The following CLRN3 variants were observed in gnomAD, a reference collection of about 807,000 sequenced individuals.
The protein encoded by CLRN3 is clarin 3, also known as clarin-3.
Under a neutral mutation model 16.7 loss-of-function variants are expected in CLRN3, and 12 were observed. That is an observed-to-expected ratio of 0.72 (90% CI 0.46 to 1.16). The LOEUF (loss-of-function observed/expected upper bound fraction) is 1.16, where lower values mean the gene tolerates loss of function less well. Ranked by LOEUF, CLRN3 falls within the 50% of genes most tolerant of loss-of-function variation. The probability of loss-of-function intolerance (pLI) is 0.00; values close to 1 mark genes in which losing one functional copy is unlikely to be tolerated. For synonymous variants in CLRN3, 118 were observed against 113.0 expected, an observed-to-expected ratio of 1.04 and a Z score of -0.28; for missense variants, 296 against 274.2, an observed-to-expected ratio of 1.08 and a Z score of -0.56.
In CLRN3 at chr10:127,892,858, G is replaced by T. The variant is rs1379201021; in HGVS notation, c.-74C>A. ...ATAACACTTTTGAACCTTATCTTTTGAAGTCTGGTATTTAGAAATGGAGTC... is the reference window on the plus strand; with the variant it reads ...ATAACACTTTTGAACCTTATCTTTTTAAGTCTGGTATTTAGAAATGGAGTC... On this transcript the variant is annotated 5_prime_UTR_variant, in exon 1 of 3. Coordinates refer to ENST00000368671, the MANE Select transcript of CLRN3 (RefSeq NM_152311.5). 9.3e-6 allele frequency: 8 copies of T among 856,876 alleles called. No homozygotes were observed. The East Asian group carries it at 1.7e-4, about 19-fold the overall frequency. The allele number at this position is 856,876 out of a possible 1,614,324, so 53.1% of individuals were successfully genotyped here. A position where few individuals can be genotyped will look rare whatever the true frequency, so the allele number is the denominator to read the frequency against.
chr10:127,883,773 G>A lies in CLRN3; in HGVS notation c.332C>T (p.Thr111Ile). The change falls in exon 2 of 3, where the codon ACC (threonine) becomes ATC (isoleucine). Residue 111 changes from threonine to isoleucine, a missense_variant. Transcript: ENST00000368671. ...AGGGTTGCTGATGCTGTTGTAGAAG[G>A]TAAACCCAGAGCTCAGCAGCGACGT... is the stretch of plus-strand genomic sequence containing the variant. The part of the protein sequence containing the change: ...LITSLLSSGF[T>I]FYNSISNPYQ... 1.2e-6 allele frequency: 2 copies of A among 1,613,952 alleles called. No homozygotes were observed. The highest frequency in any genetic ancestry group is 1.7e-6 in the Non-Finnish European group (2 of 1,179,834).
chr10:127,884,473 C>T (rs998053573), intron 1 of CLRN3, among the ~76,000 whole-genome samples: 14 of 152,232 alleles, frequency 9.2e-5, no homozygotes, highest in African/African-American at 3.1e-4. Context: ...GTGGGTCCTA[C>T]TTCAGACTCC....
At chr10:127,891,080 C>T (rs756507473) in intron 1 of CLRN3, among the ~76,000 whole-genome samples, 4 of 152,196 alleles carry the variant, frequency 2.6e-5, no homozygotes, top group Admixed American at 6.5e-5. Flanking sequence ...AAATATTCTG[C>T]CTGGCTGTGC....
At chr10:127,887,382 A>G (rs1845208676) in intron 1 of CLRN3, among the ~76,000 whole-genome samples, 1 of 152,054 alleles carries the variant, frequency 6.6e-6, no homozygotes, top group African/African-American at 2.4e-5. Context: ...AGTGGCTTGC[A>G]GTATTTTTCT....
At chr10:127,892,110 G>T (rs1341285251) in intron 1 of CLRN3, among the ~76,000 whole-genome samples, 1 of 152,120 alleles carries the variant, frequency 6.6e-6, no homozygotes, top group Non-Finnish European at 1.5e-5. Context: ...ATCAGTTAAA[G>T]AAATGAACTT....
chr10:127,885,742 C>T (rs963697848), intron 1 of CLRN3, among the ~76,000 whole-genome samples: 4 of 152,038 alleles, frequency 2.6e-5, no homozygotes, highest in African/African-American at 4.8e-5. Flanking sequence ...ACCACGACCA[C>T]GCTCAGCTAA....
At chr10:127,885,622 A>C (rs1564779124) in intron 1 of CLRN3, among the ~76,000 whole-genome samples, 1 of 152,082 alleles carries the variant, frequency 6.6e-6, no homozygotes, top group South Asian at 2.1e-4. Context: ...TGTCACCCAG[A>C]CTGGAGTGCA....
intron 2 of CLRN3, among the ~76,000 whole-genome samples, chr10:127,882,014 C>T (rs1022733621): frequency 1.1e-4 from 16 of 152,248 alleles, no homozygotes; most frequent in African/African-American, 3.6e-4. Flanking sequence ...CCATAAGTAC[C>T]AATTGGTTTA....
Position 127,878,317 on chromosome 10 carries a change from T to A in CLRN3, c.513A>T (p.Lys171Asn). ...FQMLYPATTS[K>N]GTTHSYGYSF... The stretch of plus-strand genomic sequence containing the variant: ...AGTATCCGTAACTGTGGGTCGTTCC[T>A]TTACTGGTGGTTGCCGGGTAAAGCA... Residue 171 changes from lysine to asparagine, a missense_variant, in exon 3 of 3, where the codon AAA becomes AAT. Transcript: ENST00000368671. 6.2e-7 allele frequency: 1 copy of A among 1,614,184 alleles called. No homozygotes were observed. The highest frequency in any genetic ancestry group is 8.5e-7 in the Non-Finnish European group (1 of 1,180,036).
chr10:127,891,226 C>T (rs1245934525), intron 1 of CLRN3, among the ~76,000 whole-genome samples: 3 of 152,230 alleles, frequency 2.0e-5, no homozygotes, highest in Non-Finnish European at 4.4e-5. Context: ...CCTGACACAT[C>T]CTGGCCTCCT....
chr10:127,879,997 A>G (rs1405680852), intron 2 of CLRN3, among the ~76,000 whole-genome samples: 1 of 152,154 alleles, frequency 6.6e-6, no homozygotes, highest in Non-Finnish European at 1.5e-5. Flanking sequence ...CACCCAGGGA[A>G]ACTTTCCAAA....
At chr10:127,880,422 CG>C (rs1845115095) in intron 2 of CLRN3, among the ~76,000 whole-genome samples, 1 of 152,090 alleles carries the variant, frequency 6.6e-6, no homozygotes, top group Non-Finnish European at 1.5e-5. Flanking sequence ...GAGGAAGCCC[CG>C]GGGTAGATGA....
chr10:127,884,950 G>T (rs548241419), intron 1 of CLRN3, among the ~76,000 whole-genome samples: 4 of 152,200 alleles, frequency 2.6e-5, no homozygotes, highest in Non-Finnish European at 4.4e-5. Flanking sequence ...GAAGAGTTCC[G>T]AGTCACAGTA....
At chr10:127,890,238 G>T (rs1411025448) in intron 1 of CLRN3, among the ~76,000 whole-genome samples, 3 of 152,188 alleles carry the variant, frequency 2.0e-5, no homozygotes, top group African/African-American at 7.2e-5. Flanking sequence ...AAGACAACCT[G>T]CTCACAGATG....
chr10:127,878,468 A>G (rs769277703), intron 2 of CLRN3, 48 bp from the exon 3 acceptor site: 2 of 1,604,972 alleles, frequency 1.2e-6, no homozygotes, highest in African/African-American at 1.3e-5. Context: ...TACAGTTTTT[A>G]ATGTCACTTA....
intron 1 of CLRN3, 67 bp downstream of exon 1, chr10:127,892,489 C>T (rs1453674521): frequency 4.4e-6 from 4 of 915,706 alleles, no homozygotes. Flanking sequence ...TTATTTGGCC[C>T]AAATATAGAA....
At chr10:127,880,928 C>G (rs769116858) in intron 2 of CLRN3, among the ~76,000 whole-genome samples, 2 of 152,136 alleles carry the variant, frequency 1.3e-5, no homozygotes, top group Admixed American at 1.3e-4. Flanking sequence ...TGTATACAAG[C>G]CCTTCTGCAG....
rs777602428 is a variant in CLRN3 at position 127,883,832 on chromosome 10, C to A, written c.273G>T (p.Ser91=). ...LNNSSQKTLH[S]VTILFLVLSL... is the part of the protein sequence containing the mutation. ...TCAGGACCAGGAACAGGATAGTCAC[C>A]GAATGCAGAGTTTTTTGGGAAGAAT... The change falls in exon 2 of 3, where the codon TCG becomes TCT. Residue 91 remains serine, a synonymous_variant. Coordinates refer to ENST00000368671, the MANE Select transcript of CLRN3 (RefSeq NM_152311.5). The A allele has an allele frequency of 1.2e-6, 2 of 1,614,092 alleles. No individual in the cohort carries two copies. Among genetic ancestry groups the A allele is most frequent in the Non-Finnish European group, 1.7e-6 (2 of 1,180,020 alleles).
intron 1 of CLRN3, among the ~76,000 whole-genome samples, chr10:127,891,549 T>C (rs1278066404): frequency 1.3e-5 from 2 of 152,204 alleles, no homozygotes; most frequent in Non-Finnish European, 2.9e-5. Flanking sequence ...CTAGGGGAGA[T>C]GCTGCTTTTG....
Sources: gnomAD v4.1 joint callset for allele counts (sites outside exome capture counted in the v4.1 genomes callset) on GRCh38, gnomAD v4.1.1 for gene constraint, MANE v1.5 for transcripts, NCBI Gene and HGNC (gene_info 2026-07-23, HGNC 2026-07-21) for gene names.